The following RNF2 variants were observed in gnomAD, a reference collection of about 807,000 sequenced individuals.
RNF2 encodes the protein ring finger protein 2.
In RNF2, 6 loss-of-function variants were observed where a neutral mutation model predicts 37.2. That is an observed-to-expected ratio of 0.16 (90% CI 0.09 to 0.32). The LOEUF (loss-of-function observed/expected upper bound fraction) is 0.32. Among genes scored for constraint, RNF2 ranks in the 10% least tolerant of loss-of-function variants. The probability of loss-of-function intolerance (pLI) is 1.00; values close to 1 mark genes in which losing one functional copy is unlikely to be tolerated. For missense variants in RNF2, 251 were observed against 404.0 expected (o/e 0.62, Z 3.25); for synonymous variants, 133 against 132.7 (o/e 1.00, Z -0.02).
rs1472546101 is a variant in RNF2 at position 185,100,235 on chromosome 1, T to C, written c.945T>C (p.Ser315=). ...LNGSFSLELV[S]EKYWKVNKPM... is the part of the protein sequence containing the mutation. ...GCTCTTTTTCTTTGGAATTGGTCAG[T>C]GAGAAATACTGGAAAGTGAACAAAC... Residue 315 remains serine (S), a synonymous_variant, in exon 7 of 7, where the codon AGT becomes AGC. Coordinates refer to ENST00000367510, the MANE Select transcript of RNF2 (RefSeq NM_007212.4). 1 of 1,610,278 alleles carries C rather than the reference T, an allele frequency of 6.2e-7. No homozygotes were observed. Among genetic ancestry groups the C allele is most frequent in the Middle Eastern group, 1.7e-4 (1 of 5,956 alleles).
chr1:185,090,704 C>T (rs570257717), intron 2 of RNF2, among the ~76,000 whole-genome samples: 4 of 152,294 alleles, frequency 2.6e-5, no homozygotes, highest in South Asian at 4.1e-4. Context: ...TTACAATTCT[C>T]GCCATACTAG....
chr1:185,046,218 G>A (rs1420989399), intron 1 of RNF2: 1 of 152,258 alleles, frequency 6.6e-6, no homozygotes, highest in Admixed American at 6.5e-5. Context: ...GGGGTTCCTC[G>A]GGGAGACCCC....
At chr1:185,056,484 G>A (rs1650437925) in intron 1 of RNF2, among the ~76,000 whole-genome samples, 1 of 151,646 alleles carries the variant, frequency 6.6e-6, no homozygotes, top group South Asian at 2.1e-4. Flanking sequence ...TTAGCTTCCT[G>A]AGTAGGTGGA....
At chr1:185,092,269 C>T (rs531821761) in intron 3 of RNF2, among the ~76,000 whole-genome samples, 14 of 150,610 alleles carry the variant, frequency 9.3e-5, no homozygotes, top group African/African-American at 2.7e-4. Context: ...CTCCACCTCC[C>T]GGGTTCAAGT....
At chr1:185,052,913 G>A (rs191113214) in intron 1 of RNF2, among the ~76,000 whole-genome samples, 22 of 152,318 alleles carry the variant, frequency 1.4e-4, no homozygotes, top group African/African-American at 4.8e-4. Flanking sequence ...TACAGCTACA[G>A]TGCTTAATAT....
At chr1:185,055,711 G>A (rs1208404405) in intron 1 of RNF2, among the ~76,000 whole-genome samples, 1 of 152,194 alleles carries the variant, frequency 6.6e-6, no homozygotes, top group African/African-American at 2.4e-5. Context: ...GTGAGCCGCC[G>A]TGCCTGGCCT....
At position 185,099,942 on chromosome 1, in the gene RNF2, A is replaced by G; in HGVS notation, c.889A>G (p.Thr297Ala). ...SEKQYTIYIA[T>A]ASGQFTVLNG... Reference sequence around the variant, plus strand: ...GAAGCAGTATACCATTTATATAGCAACAGCCAGTGGCCAGTTCACTGTGAG... The same window carrying G: ...GAAGCAGTATACCATTTATATAGCAGCAGCCAGTGGCCAGTTCACTGTGAG... The change falls in exon 6 of 7, where the codon ACA becomes GCA. Residue 297 changes from threonine (T) to alanine (A), a missense_variant. Physicochemically the swap from Thr to Ala is moderately conservative, Grantham distance 58. Coordinates refer to ENST00000367510, the MANE Select transcript of RNF2 (RefSeq NM_007212.4). 1 of 1,610,682 alleles carries G rather than the reference A, an allele frequency of 6.2e-7. No individual in the cohort carries two copies. The highest frequency in any genetic ancestry group is 8.5e-7 in the Non-Finnish European group (1 of 1,177,376).
chr1:185,090,755 G>A (rs966659885), intron 2 of RNF2, among the ~76,000 whole-genome samples: 2 of 152,180 alleles, frequency 1.3e-5, no homozygotes, highest in African/African-American at 4.8e-5. Flanking sequence ...GGTGGCATTA[G>A]AGCTGAGTAA....
At chr1:185,058,972 T>C (rs1393928959) in intron 1 of RNF2, among the ~76,000 whole-genome samples, 1 of 152,192 alleles carries the variant, frequency 6.6e-6, no homozygotes, top group East Asian at 1.9e-4. Flanking sequence ...TTGTGCTAAT[T>C]TTAGATTTAT....
At chr1:185,060,979 C>T (rs1336352924) in intron 1 of RNF2, among the ~76,000 whole-genome samples, 5 of 152,004 alleles carry the variant, frequency 3.3e-5, no homozygotes, top group African/African-American at 7.2e-5. Context: ...AGTAGCTGAG[C>T]GTGGTCATGA....
At chr1:185,080,136 C>T (rs569681824) in intron 1 of RNF2, among the ~76,000 whole-genome samples, 13 of 152,280 alleles carry the variant, frequency 8.5e-5, no homozygotes, top group African/African-American at 3.1e-4. Flanking sequence ...GGCTTCCACT[C>T]TACTCTTCAG....
At chr1:185,092,556 G>T (rs975138964) in intron 3 of RNF2, among the ~76,000 whole-genome samples, 2 of 152,090 alleles carry the variant, frequency 1.3e-5, no homozygotes, top group East Asian at 1.9e-4. Context: ...GAAAATCTTT[G>T]TATTGAAATC....
At chr1:185,067,867 C>T (rs974259000) in intron 1 of RNF2, among the ~76,000 whole-genome samples, 6 of 151,324 alleles carry the variant, frequency 4.0e-5, no homozygotes, top group Non-Finnish European at 8.8e-5. Context: ...CCTGCCACCA[C>T]GCCCAGCTAA....
At chr1:185,083,961 G>T (rs758001949) in intron 1 of RNF2, among the ~76,000 whole-genome samples, 3 of 138,226 alleles carry the variant, frequency 2.2e-5, no homozygotes, top group Non-Finnish European at 4.7e-5. Context: ...AAAAAATTAG[G>T]GGTGGGATCT....
At chr1:185,055,145 A>T (rs1218383181) in intron 1 of RNF2, among the ~76,000 whole-genome samples, 2 of 152,236 alleles carry the variant, frequency 1.3e-5, no homozygotes, top group African/African-American at 4.8e-5. Context: ...TGCTCTGCAG[A>T]TCGAGTATCC....
chr1:185,100,054 G>T (rs1162937378), intron 6 of RNF2, 92 bp downstream of exon 6: 1 of 1,300,160 alleles, frequency 7.7e-7, no homozygotes, highest in Non-Finnish European at 1.1e-6. Context: ...AATAAATAAT[G>T]TAAAAAACCG....
chr1:185,059,672 T>C (rs778643197), intron 1 of RNF2, among the ~76,000 whole-genome samples: 1 of 152,200 alleles, frequency 6.6e-6, no homozygotes, highest in Non-Finnish European at 1.5e-5. Flanking sequence ...AGCATGGCCT[T>C]CTCACTCAGA....
chr1:185,068,694 T>C (rs1650872129), intron 1 of RNF2, among the ~76,000 whole-genome samples: 1 of 152,256 alleles, frequency 6.6e-6, no homozygotes, highest in Non-Finnish European at 1.5e-5. Flanking sequence ...TGTGAGAGAA[T>C]AACTTACTGT....
intron 1 of RNF2, among the ~76,000 whole-genome samples, chr1:185,081,209 T>C (rs967611026): frequency 2.6e-5 from 4 of 152,168 alleles, no homozygotes; most frequent in African/African-American, 7.2e-5. Context: ...GTTTGTTTAT[T>C]CCTGTAGTGT....
Sources: gnomAD v4.1 joint callset for allele counts (sites outside exome capture counted in the v4.1 genomes callset) on GRCh38, gnomAD v4.1.1 for gene constraint, MANE v1.5 for transcripts, NCBI Gene and HGNC (gene_info 2026-07-23, HGNC 2026-07-21) for gene names.